Variants in PLK3 observed in about 807,000 individuals in gnomAD.
PLK3 encodes the protein polo like kinase 3.
A neutral mutation model predicts 71.6 loss-of-function variants in PLK3; 41 were observed. The ratio of observed to expected loss-of-function variants is 0.57; its 90% CI spans 0.45 to 0.74. PLK3 has a LOEUF of 0.74. Among genes scored for constraint, PLK3 ranks in the 30% least tolerant of loss-of-function variants. The probability of loss-of-function intolerance (pLI) is 0.00; values close to 1 mark genes in which losing one functional copy is unlikely to be tolerated. For missense variants in PLK3, 791 were observed against 875.6 expected, an observed-to-expected ratio of 0.90 and a Z score of 1.22; for synonymous variants, 366 against 355.4, an observed-to-expected ratio of 1.03 and a Z score of -0.33.
intron 3 of PLK3, 52 bp from the exon 4 acceptor site, chr1:44,801,570 G>T (rs544668289): frequency 6.3e-7 from 1 of 1,588,704 alleles, no homozygotes; most frequent in Non-Finnish European, 8.6e-7. Flanking sequence ...CACAGATGGA[G>T]GGGGAGGGGG....
At position 44,805,865 on chromosome 1, in the gene PLK3, C is replaced by G. The variant is rs1241877516; in HGVS notation, c.*187C>G. ...CTCCTACCCCATCTCCAAGATAAGC[C>G]TGAGCCTTAGCTCCCAGCTAGGGGG... On this transcript the variant is annotated 3_prime_UTR_variant, in exon 15 of 15. Transcript: ENST00000372201. The G allele has an allele frequency of 7.1e-7, 1 of 1,408,120 alleles. No individual in the cohort carries two copies. The highest frequency in any genetic ancestry group is 2.5e-5 in the East Asian group (1 of 39,812). 87.2% of individuals were successfully genotyped at this position (1,408,120 alleles called of 1,614,324 possible). A position where few individuals can be genotyped will look rare whatever the true frequency, so the allele number is the denominator to read the frequency against.
Position 44,804,779 on chromosome 1 carries a change from G to A in PLK3, c.1635G>A (p.Lys545=), listed in dbSNP as rs886487686. 1.9e-6 allele frequency: 3 copies of A among 1,613,744 alleles called. No homozygotes were observed. Among genetic ancestry groups the A allele is most frequent in the Non-Finnish European group, 2.5e-6 (3 of 1,179,838 alleles). The part of the protein sequence containing the change: ...FASYMEQHLM[K]GGDLPSVEEV... The stretch of plus-strand genomic sequence containing the variant: ...CCTACATGGAGCAGCACCTCATGAA[G>A]GTGTGAGGGCTGGGGCTGTGGTACA... The change falls in exon 13 of 15, where the codon AAG becomes AAA. Residue 545 remains lysine, a splice_region_variant and synonymous_variant. Transcript: ENST00000372201.
chr1:44,805,638 G>A lies in PLK3; in HGVS notation c.1901G>A (p.Arg634His), dbSNP rs1652006062. The change falls in exon 15 of 15, where the codon CGC becomes CAC. Residue 634 changes from arginine (R) to histidine (H), a missense_variant. Arg to His is a conservative substitution (Grantham distance 29). Coordinates refer to ENST00000372201, the MANE Select transcript of PLK3 (RefSeq NM_004073.4). ...TCTCCAGACCTGCGGCAGCGACTCC[G>A]CTATGCTCTGCGCCTGCTCCGGGAC... ...GCSPDLRQRL[R>H]YALRLLRDRS... 1.2e-6 allele frequency: 2 copies of A among 1,613,762 alleles called. No homozygotes were observed. Among genetic ancestry groups the A allele is most frequent in the Non-Finnish European group, 1.7e-6 (2 of 1,179,990 alleles).
chr1:44,805,129 A>C, intron 13 of PLK3, 137 bp from the exon 14 acceptor site: 1 of 640,514 alleles, frequency 1.6e-6, no homozygotes, highest in Admixed American at 2.8e-5. Context: ...AAAGAAAAGA[A>C]AACTAACCCA....
At position 44,803,402 on chromosome 1, in the gene PLK3, G is replaced by A; in HGVS notation, c.1072+11G>A. On this transcript the variant is annotated intron_variant, in intron 8 of 14. Transcript: ENST00000372201. This position sits in a 1 kb window ranked among gnomAD's most constrained non-coding sequence, Gnocchi z 4.3. ...GCAGAAAGAAGAAGAGTGAGTCTGG[G>A]GTGTCAGTGGGTTGAGGGGGCAGAG... 1.2e-6 allele frequency: 2 copies of A among 1,613,888 alleles called. No homozygotes were observed. The highest frequency in any genetic ancestry group is 1.7e-6 in the Non-Finnish European group (2 of 1,179,978).
At chr1:44,805,242 G>A in intron 13 of PLK3, 24 bp from the exon 14 acceptor site, 1 of 1,526,788 alleles carries the variant, frequency 6.5e-7, no homozygotes, top group Non-Finnish European at 9.1e-7. Context: ...CTGGATCAGT[G>A]ACCTGCCCTG....
chr1:44,800,630 C>A lies in PLK3; in HGVS notation c.167C>A (p.Pro56Gln). 6.5e-7 allele frequency: 1 copy of A among 1,542,686 alleles called. No homozygotes were observed. The highest frequency in any genetic ancestry group is 8.7e-7 in the Non-Finnish European group (1 of 1,147,604). Reference sequence around the variant, plus strand: ...GACCCCGGGCGCCTCATCACGGACCCGCGCAGCGGCCGCACCTACCTCAAA... The same window carrying A: ...GACCCCGGGCGCCTCATCACGGACCAGCGCAGCGGCCGCACCTACCTCAAA... ...TSDPGRLITD[P>Q]RSGRTYLKGR... The change falls in exon 1 of 15, where the codon CCG (proline) becomes CAG (glutamine). Residue 56 changes from proline to glutamine, a missense_variant. Pro to Gln is a moderately conservative substitution (Grantham distance 76, BLOSUM62 -1). Transcript: ENST00000372201. The surrounding 1 kb of genome is among the most constrained non-coding windows in gnomAD (Gnocchi z 6.5).
rs566229457 is a variant in PLK3 at position 44,800,501 on chromosome 1, T to G, written c.38T>G (p.Phe13Cys). 2.1e-6 allele frequency: 3 copies of G among 1,446,996 alleles called. No homozygotes were observed. In the East Asian group the frequency reaches 9.1e-5, roughly 44 times the overall value. The allele number at this position is 1,446,996 out of a possible 1,614,324, so 89.6% of individuals were successfully genotyped here. A position where few individuals can be genotyped will look rare whatever the true frequency, so the allele number is the denominator to read the frequency against. ...PAAGFLSPRP[F>C]QRAAAAPAPP... ...GCCGGTTTCCTGTCTCCGCGCCCCT[T>G]CCAGCGTGCGGCCGCCGCGCCCGCT... The change falls in exon 1 of 15, where the codon TTC becomes TGC. Residue 13 changes from phenylalanine to cysteine, a missense_variant. Coordinates refer to ENST00000372201, the MANE Select transcript of PLK3 (RefSeq NM_004073.4). The surrounding 1 kb of genome is among the most constrained non-coding windows in gnomAD (Gnocchi z 6.5).
At position 44,804,658 on chromosome 1, in the gene PLK3, A is replaced by G; in HGVS notation, c.1514A>G (p.His505Arg). 7 of 1,613,900 alleles carry G rather than the reference A, an allele frequency of 4.3e-6. No individual in the cohort carries two copies. Among genetic ancestry groups the G allele is most frequent in the Non-Finnish European group, 5.9e-6 (7 of 1,179,886 alleles). Residue 505 changes from histidine to arginine, a missense_variant, in exon 13 of 15, where the codon CAC becomes CGC. By Grantham distance (29) the His-to-Arg change is conservative (BLOSUM62 0). Transcript: ENST00000372201. ...CTGCCTCCCCATTCTAGGACTGTGC[A>G]CTACAATCCCACCAGCACAAAGCAC... ...MALSANRKTV[H>R]YNPTSTKHFS...
chr1:44,801,784 GGGGAGGGAGGGAGGGA>G, intron 4 of PLK3, 33 bp downstream of exon 4: 1 of 1,594,914 alleles, frequency 6.3e-7, no homozygotes, highest in Non-Finnish European at 8.6e-7. Context: ...ATGGGAGGTT[GGGGAGGGAGGGAGGGA>G]GGGAGGAAGG....
In PLK3 at chr1:44,800,987, G is replaced by C; in HGVS notation, c.318+40G>C. 6.2e-7 allele frequency: 1 copy of C among 1,607,316 alleles called. No individual in the cohort carries two copies. ...AGCGGGCGAGGGGTGGGGTGGGGACGGTGGCATGGGAACCATGGAAGGATG... is the reference window on the plus strand; with the variant it reads ...AGCGGGCGAGGGGTGGGGTGGGGACCGTGGCATGGGAACCATGGAAGGATG... On this transcript the variant is annotated intron_variant, in intron 2 of 14. Transcript: ENST00000372201. The surrounding 1 kb of genome is among the most constrained non-coding windows in gnomAD (Gnocchi z 6.5).
chr1:44,804,610 T>C, intron 12 of PLK3, 40 bp from the exon 13 acceptor site: 1 of 1,606,602 alleles, frequency 6.2e-7, no homozygotes, highest in Non-Finnish European at 8.5e-7. Context: ...GGAGGGGCAT[T>C]GGTGCAGGGC....
intron 13 of PLK3, 192 bp from the exon 14 acceptor site, chr1:44,805,074 C>CCAG (rs1243146314): frequency 1.7e-6 from 1 of 590,118 alleles, no homozygotes; most frequent in Non-Finnish European, 3.0e-6. Context: ...CCATTGCACT[C>CCAG]CAGCCTGGGC....
In PLK3 at chr1:44,804,353, GC is replaced by G; in HGVS notation, c.1363del (p.Leu455TrpfsTer90). On this transcript the variant is annotated frameshift_variant, in exon 12 of 15. Coordinates refer to ENST00000372201, the MANE Select transcript of PLK3 (RefSeq NM_004073.4). LOFTEE classifies it high-confidence loss of function. The part of the protein sequence containing the change: ...AFMPPAEQNP[A>X]PLAQPEPLVW... ...TCCCATGACAGCGGAACAGAACCCG[GC>G]CCCCCTGGCCCAGCCAGAGCCTCTG... The G allele has an allele frequency of 1.2e-6, 2 of 1,613,966 alleles. No individual in the cohort carries two copies. The highest frequency in any genetic ancestry group is 1.7e-6 in the Non-Finnish European group (2 of 1,179,948).
intron 13 of PLK3, 128 bp downstream of exon 13, chr1:44,804,907 C>T (rs919812990): frequency 1.2e-6 from 1 of 838,516 alleles, no homozygotes; most frequent in Admixed American, 2.4e-5. Context: ...AGATCGAGAC[C>T]ATCCTGGCTA....
At chr1:44,804,096 G>C in intron 10 of PLK3, 67 bp from the exon 11 acceptor site, 1 of 1,536,970 alleles carries the variant, frequency 6.5e-7, no homozygotes, top group Non-Finnish European at 9.0e-7. Context: ...GGGAAGGAGT[G>C]GGCAGAGGGG....
At position 44,805,823 on chromosome 1, in the gene PLK3, C is replaced by T. The variant is rs750348377; in HGVS notation, c.*145C>T. On this transcript the variant is annotated 3_prime_UTR_variant, in exon 15 of 15. Transcript: ENST00000372201. Reference sequence around the variant, plus strand: ...GGACCAGCTTTACTGGAGTTGGGGGCGGCTTGTCTTCGCTGGCTCCTACCC... The same window carrying T: ...GGACCAGCTTTACTGGAGTTGGGGGTGGCTTGTCTTCGCTGGCTCCTACCC... 1.1e-5 allele frequency: 14 copies of T among 1,304,116 alleles called. No individual in the cohort carries two copies. The highest frequency in any genetic ancestry group is 1.5e-5 in the South Asian group (1 of 66,472). The allele number at this position is 1,304,116 out of a possible 1,614,324, so 80.8% of individuals were successfully genotyped here.
At position 44,805,305 on chromosome 1, in the gene PLK3, G is replaced by A. The variant is rs1651988835; in HGVS notation, c.1675G>A (p.Ala559Thr). 6.2e-7 allele frequency: 1 copy of A among 1,613,946 alleles called. No homozygotes were observed. Among genetic ancestry groups the A allele is most frequent in the South Asian group, 1.1e-5 (1 of 91,084 alleles). ...LPSVEEVEVP[A>T]PPLLLQWVKT... The stretch of plus-strand genomic sequence containing the variant: ...CAGTGTGGAAGAGGTAGAGGTACCT[G>A]CTCCGCCCTTGCTGCTGCAGTGGGT... Residue 559 changes from alanine to threonine, a missense_variant, in exon 14 of 15, where the codon GCT becomes ACT. By Grantham distance (58) the Ala-to-Thr change is moderately conservative. Coordinates refer to ENST00000372201, the MANE Select transcript of PLK3 (RefSeq NM_004073.4).
chr1:44,804,420 G>C lies in PLK3; in HGVS notation c.1424G>C (p.Gly475Ala), dbSNP rs1295905346. Reference sequence around the variant, plus strand: ...TGGGTTGACTACTCCAATAAGTTCGGCTTTGGGTATCAACTGTCCAGCCGC... The same window carrying C: ...TGGGTTGACTACTCCAATAAGTTCGCCTTTGGGTATCAACTGTCCAGCCGC... ...SKWVDYSNKF[G>A]FGYQLSSRRV... Residue 475 changes from glycine to alanine, a missense_variant, in exon 12 of 15, where the codon GGC (glycine) becomes GCC (alanine). Physicochemically the swap from Gly to Ala is moderately conservative, Grantham distance 60. Coordinates refer to ENST00000372201, the MANE Select transcript of PLK3 (RefSeq NM_004073.4). The C allele has an allele frequency of 6.2e-7, 1 of 1,614,188 alleles. No homozygotes were observed. The highest frequency in any genetic ancestry group is 8.5e-7 in the Non-Finnish European group (1 of 1,180,024).
Sources: allele counts gnomAD v4.1 joint callset, GRCh38; gene constraint gnomAD v4.1.1; non-coding constraint Gnocchi (gnomAD v3.1); transcripts MANE v1.5; gene names NCBI Gene and HGNC (gene_info 2026-07-23, HGNC 2026-07-21).